The following XPNPEP2 variants were observed in gnomAD, a reference collection of about 807,000 sequenced individuals.
XPNPEP2 encodes the protein xaa-Pro aminopeptidase 2.
XPNPEP2 carries 64 observed loss-of-function variants against 59.8 expected under a neutral mutation model. The observed-to-expected ratio is 1.07, with a 90% CI of 0.87 to 1.32. The LOEUF is 1.32. Ranked by LOEUF, XPNPEP2 falls within the 40% of genes most tolerant of loss-of-function variation. The pLI is 0.00. For missense variants in XPNPEP2, 575 were observed against 546.8 expected (o/e 1.05, Z -0.51); for synonymous variants, 235 against 210.0 (o/e 1.12, Z -1.03).
At chrX:129,750,427 G>A in intron 7 of XPNPEP2, 41 bp from the exon 8 acceptor site, 2 of 1,107,013 alleles carry the variant, frequency 1.8e-6, no homozygotes, top group Non-Finnish European at 2.4e-6. Flanking sequence ...CCAAAGGCAA[G>A]GTCTGTCACT....
chrX:129,761,730 G>C (rs1474719444), intron 17 of XPNPEP2, among the ~76,000 whole-genome samples: 1 of 111,921 alleles, frequency 8.9e-6, no homozygotes, highest in African/African-American at 3.3e-5. Flanking sequence ...AGGCTGAGGT[G>C]GGAGGATCCC....
rs368103724 is a variant in XPNPEP2, at chrX:129,768,280, A to G, written c.1831-11A>G. The G allele has an allele frequency of 3.3e-5, 38 of 1,148,368 alleles. No individual in the cohort carries two copies. In the African/African-American group the frequency reaches 5.9e-4, roughly 18 times the overall value. 94.6% of individuals were successfully genotyped at this position (1,148,368 alleles called of 1,213,427 possible). A position where few individuals can be genotyped will look rare whatever the true frequency, so the allele number is the denominator to read the frequency against. ...GCTTAGAGAGGCTGTCACCCCTTCT[A>G]TCCTTCGCAGCTCCAGTACCTGAAT... On this transcript the variant is annotated splice_polypyrimidine_tract_variant and intron_variant, in intron 20 of 20. Transcript: ENST00000371106.
At chrX:129,761,015 C>T (rs1926646063) in intron 16 of XPNPEP2, among the ~76,000 whole-genome samples, 157 bp from the exon 17 acceptor site, 2 of 112,416 alleles carry the variant, frequency 1.8e-5, no homozygotes, top group African/African-American at 3.2e-5. Context: ...ATCAGCCCTC[C>T]TCCATCCCAA....
rs1459006262 is a variant in XPNPEP2, at chrX:129,769,479, GGCCGTTA to G, written c.*998_*1004del. ...GAGAAGAATTTGCTCCGGCCAAATT[GGCCGTTA>G]GCCACCTGGGTCCACATCCTGCTAA... is the stretch of plus-strand genomic sequence containing the variant. On this transcript the variant is annotated 3_prime_UTR_variant, in exon 21 of 21. Transcript: ENST00000371106. 1 of 112,448 alleles carries G rather than the reference GGCCGTTA, an allele frequency of 8.9e-6. No individual in the cohort carries two copies. Among genetic ancestry groups the G allele is most frequent in the East Asian group, 2.8e-4 (1 of 3,592 alleles). 9.3% of individuals were successfully genotyped at this position (112,448 alleles called of 1,213,427 possible).
chrX:129,754,559 G>T lies in XPNPEP2; in HGVS notation c.1195G>T (p.Glu399Ter). The T allele has an allele frequency of 8.4e-7, 1 of 1,189,500 alleles. No individual in the cohort carries two copies. The stretch of plus-strand genomic sequence containing the variant: ...CACAGTGGATGAGTTCTCGGGGGCA[G>T]AGATCGTGGACAAGTTCCGAGGGTG... ...KGTVDEFSGAEIVDKFRGEEQ... is the reference protein window; with the variant it reads ...KGTVDEFSGA The change falls in exon 12 of 21, where the codon GAG becomes TAG. Residue 399 changes from glutamate (E) to a stop codon, truncating the protein, a stop_gained. Transcript: ENST00000371106. LOFTEE classifies it high-confidence loss of function.
Position 129,752,253 on chromosome X carries a change from C to G in XPNPEP2, c.925C>G (p.Arg309Gly), listed in dbSNP as rs151254296. 5.8e-6 allele frequency: 7 copies of G among 1,210,227 alleles called. No individual in the cohort carries two copies. The highest frequency in any genetic ancestry group is 7.8e-6 in the Non-Finnish European group (7 of 895,209). ...GCAAATCGAGGATTACAGCCAAGTT[C>G]GTGACAGCATCCAGGCCTACTCATT... ...CVQIEDYSQVRDSIQAYSLGD... is the reference protein window; with the variant it reads ...CVQIEDYSQVGDSIQAYSLGD... Residue 309 changes from arginine to glycine, a missense_variant, in exon 10 of 21, where the codon CGT becomes GGT. Arg to Gly is a moderately radical substitution (Grantham distance 125, BLOSUM62 -2). Coordinates refer to ENST00000371106, the MANE Select transcript of XPNPEP2 (RefSeq NM_003399.6).
chrX:129,745,630 A>G (rs1297673884), intron 4 of XPNPEP2, among the ~76,000 whole-genome samples: 2 of 111,930 alleles, frequency 1.8e-5, no homozygotes, highest in African/African-American at 3.3e-5. Context: ...ATTTGGAGAC[A>G]AAGTTTTCCT....
Position 129,752,321 on chromosome X carries a change from T to C in XPNPEP2, c.993T>C (p.Tyr331=). 3 of 1,211,082 alleles carry C rather than the reference T, an allele frequency of 2.5e-6. No homozygotes were observed. The highest frequency in any genetic ancestry group is 3.4e-6 in the Non-Finnish European group (3 of 895,236). ...GGATTGGGACCAGCTATACCATGTA[T>C]GGGATCTATGAAATGATACCCAAGG... ...RIWIGTSYTM[Y]GIYEMIPKEK... Residue 331 remains tyrosine, a synonymous_variant, in exon 10 of 21, where the codon TAT becomes TAC. Transcript: ENST00000371106.
chrX:129,768,338 T>C lies in XPNPEP2; in HGVS notation c.1878T>C (p.Gly626=). The C allele has an allele frequency of 8.3e-7, 1 of 1,205,041 alleles. No individual in the cohort carries two copies. The highest frequency in any genetic ancestry group is 2.2e-5 in the Admixed American group (1 of 44,911). ...ACCAGACCATCCGGGAGAAGGTGGG[T>C]CCAGAGCTGCAGAGGCGCCAGCTAC... ...RYYQTIREKV[G]PELQRRQLLE... is the part of the protein sequence containing the mutation. Residue 626 remains glycine (G), a synonymous_variant, in exon 21 of 21, where the codon GGT becomes GGC. Coordinates refer to ENST00000371106, the MANE Select transcript of XPNPEP2 (RefSeq NM_003399.6).
intron 2 of XPNPEP2, 148 bp from the exon 3 acceptor site, chrX:129,743,813 C>T (rs1275139394): frequency 9.8e-6 from 5 of 508,872 alleles, no homozygotes; most frequent in Non-Finnish European, 1.7e-5. Context: ...CCCATCCCTT[C>T]CCAAGCCAGG....
intron 8 of XPNPEP2, 130 bp from the exon 9 acceptor site, chrX:129,751,595 AAAGGAAGGAAGGAAGGAAGG>A (rs201428707): frequency 0.021 from 4,251 of 199,822 alleles, 69 homozygotes; most frequent in Middle Eastern, 0.048. Flanking sequence ...AGAAAGAAAG[AAAGGAAGGAAGGAAGGAAGG>A]AAGGAAGGAA....
rs538356194 is a variant in XPNPEP2, at chrX:129,757,346, A to G, written c.1367+791A>G. Among the ~76,000 whole-genome samples the G allele has an allele frequency of 7.2e-4, 79 of 109,836 alleles. No individual in the cohort carries two copies. The Admixed American group carries it at 7.7e-3, about 11-fold the overall frequency. ...ACCCTACTCTCATCCACTAGTGCAC[A>G]CCCTGGACACCCCCGCACCACCAAC... On this transcript the variant is annotated intron_variant, in intron 14 of 20. Coordinates refer to ENST00000371106, the MANE Select transcript of XPNPEP2 (RefSeq NM_003399.6).
In XPNPEP2 at chrX:129,762,651, C is replaced by A. The variant is rs955874461; in HGVS notation, c.1664-43C>A. 3 of 1,159,902 alleles carry A rather than the reference C, an allele frequency of 2.6e-6. No individual in the cohort carries two copies. The Admixed American group carries it at 6.5e-5, about 25-fold the overall frequency. ...TAGGTACAGGAAGCCTGGGCTTGGG[C>A]CCTCTCCCAGCTTAATGCCACCAGC... is the stretch of plus-strand genomic sequence containing the variant. On this transcript the variant is annotated intron_variant, in intron 18 of 20. Coordinates refer to ENST00000371106, the MANE Select transcript of XPNPEP2 (RefSeq NM_003399.6).
At chrX:129,746,125 C>A in intron 4 of XPNPEP2, 111 bp from the exon 5 acceptor site, 1 of 601,519 alleles carries the variant, frequency 1.7e-6, no homozygotes, top group East Asian at 3.6e-5. Flanking sequence ...GAATCTCTTT[C>A]CAGAGGCCCC....
intron 1 of XPNPEP2, among the ~76,000 whole-genome samples, chrX:129,740,352 C>T (rs1364729946): frequency 8.9e-6 from 1 of 112,599 alleles, no homozygotes; most frequent in Non-Finnish European, 1.9e-5. Context: ...TGTGGCTGGG[C>T]GTGGTGGCTC....
At chrX:129,757,232 C>G (rs1054282074) in intron 14 of XPNPEP2, among the ~76,000 whole-genome samples, 3 of 107,343 alleles carry the variant, frequency 2.8e-5, no homozygotes, top group African/African-American at 1.0e-4. Context: ...CATGCCCAGC[C>G]TCAAGTAAAA....
intron 16 of XPNPEP2, among the ~76,000 whole-genome samples, chrX:129,760,938 G>A (rs1926644838): frequency 8.9e-6 from 1 of 112,212 alleles, no homozygotes. Context: ...TCAGGTAATG[G>A]ATACAATGTA....
chrX:129,757,035 C>T (rs1390679110), intron 14 of XPNPEP2, among the ~76,000 whole-genome samples: 5 of 95,737 alleles, frequency 5.2e-5, no homozygotes, highest in East Asian at 4.9e-4. Flanking sequence ...CACACACACA[C>T]ACATATATAT....
intron 8 of XPNPEP2, among the ~76,000 whole-genome samples, chrX:129,751,117 G>A (rs907283228): frequency 9.3e-5 from 1 of 10,697 alleles, no homozygotes; most frequent in African/African-American, 3.4e-4. Flanking sequence ...CCCCCCCCCC[G>A]GCAAAAAGAT....
Sources: gnomAD v4.1 joint callset for allele counts (sites outside exome capture counted in the v4.1 genomes callset) on GRCh38, gnomAD v4.1.1 for gene constraint, MANE v1.5 for transcripts, NCBI Gene and HGNC (gene_info 2026-07-23, HGNC 2026-07-21) for gene names.